Variants in SNPH observed in about 807,000 individuals in gnomAD.
SNPH encodes syntaphilin.
SNPH carries 10 observed loss-of-function variants against 36.8 expected under a neutral mutation model. That is an observed-to-expected ratio of 0.27 (90% CI 0.17 to 0.46). The LOEUF (loss-of-function observed/expected upper bound fraction) is 0.46, where lower values mean the gene tolerates loss of function less well. SNPH is among the 20% of genes least tolerant of loss of function. The pLI is 1.00. For missense variants in SNPH, 622 were observed against 744.0 expected (o/e 0.84, Z 1.91); for synonymous variants, 281 against 312.2 (o/e 0.90, Z 1.05).
chr20:1,274,472 G>T (rs1211613756), intron 2 of SNPH, among the ~76,000 whole-genome samples: 1 of 152,190 alleles, frequency 6.6e-6, no homozygotes, highest in South Asian at 2.1e-4. Context: ...CTTGCCATAG[G>T]ATGGAGTTTG....
At chr20:1,274,013 ATAAC>A (rs2088102053) in intron 2 of SNPH, among the ~76,000 whole-genome samples, 1 of 152,178 alleles carries the variant, frequency 6.6e-6, no homozygotes, top group African/African-American at 2.4e-5. Context: ...CAAAAAATAA[ATAAC>A]TACCATTTGT....
intron 2 of SNPH, among the ~76,000 whole-genome samples, chr20:1,293,353 C>A (rs894515916): frequency 6.6e-5 from 10 of 152,074 alleles, no homozygotes; most frequent in African/African-American, 1.9e-4. Context: ...AGGGCAGGGG[C>A]TGGGTTTACT....
intron 2 of SNPH, among the ~76,000 whole-genome samples, chr20:1,282,494 C>T (rs2088237415): frequency 6.6e-6 from 1 of 152,218 alleles, no homozygotes; most frequent in East Asian, 1.9e-4. Flanking sequence ...ATAACAACCC[C>T]TTGCCCCCTA....
intron 2 of SNPH, among the ~76,000 whole-genome samples, chr20:1,293,665 T>C (rs1043147496): frequency 6.6e-6 from 1 of 152,156 alleles, no homozygotes; most frequent in Non-Finnish European, 1.5e-5. Flanking sequence ...GCCTGCAAGG[T>C]CCCATCCCAG....
chr20:1,294,815 C>T lies in SNPH; in HGVS notation c.-492-136C>T, dbSNP rs1478446916. 2.6e-5 allele frequency: 4 copies of T among 152,498 alleles called. No homozygotes were observed. Among genetic ancestry groups the T allele is most frequent in the Non-Finnish European group, 5.9e-5 (4 of 68,054 alleles). The allele number at this position is 152,498 out of a possible 1,614,324, so 9.4% of individuals were successfully genotyped here. On this transcript the variant is annotated intron_variant, in intron 2 of 6. Transcript: ENST00000381867. The surrounding 1 kb of genome is among the most constrained non-coding windows in gnomAD (Gnocchi z 4.4). ...GACTCTGGGGTTTGAGATCCAGCCC[C>T]TCAGCATCTGATGTTGACCTGGTTT...
intron 2 of SNPH, among the ~76,000 whole-genome samples, chr20:1,280,216 G>A (rs983196564): frequency 6.6e-6 from 1 of 152,188 alleles, no homozygotes; most frequent in Non-Finnish European, 1.5e-5. Context: ...ACATGTGTGT[G>A]TGTGCATGCA....
At position 1,266,452 on chromosome 20, in the gene SNPH, C is replaced by T. The variant is rs2088004981; in HGVS notation, c.-600+55C>T. ...GCCCACCGCCCAGCTGCACCCGCCG[C>T]AGTCCAGAGTGCCGAGTGCCAGGGG... On this transcript the variant is annotated intron_variant, in intron 1 of 6. Coordinates refer to ENST00000381867, the MANE Select transcript of SNPH (RefSeq NM_001318234.2). The surrounding 1 kb of genome is among the most constrained non-coding windows in gnomAD (Gnocchi z 6.0). The T allele has an allele frequency of 1.5e-6, 1 of 654,612 alleles. No homozygotes were observed. The highest frequency in any genetic ancestry group is 3.5e-5 in the East Asian group (1 of 28,632). The allele number at this position is 654,612 out of a possible 1,614,324, so 40.6% of individuals were successfully genotyped here.
intron 2 of SNPH, among the ~76,000 whole-genome samples, chr20:1,280,292 A>G (rs1046784895): frequency 2.0e-5 from 3 of 152,218 alleles, no homozygotes; most frequent in African/African-American, 7.2e-5. Context: ...GGATGTGTGT[A>G]AACAGCCTGT....
At chr20:1,292,706 C>A (rs554226978) in intron 2 of SNPH, among the ~76,000 whole-genome samples, 1 of 152,156 alleles carries the variant, frequency 6.6e-6, no homozygotes, top group Non-Finnish European at 1.5e-5. Flanking sequence ...GGCCTGCCCC[C>A]CTCCTTCTGC....
In SNPH at chr20:1,266,790, GGCCCTGC is replaced by G; in HGVS notation, c.-493+33_-493+39del. 7.5e-7 allele frequency: 1 copy of G among 1,334,456 alleles called. No homozygotes were observed. Among genetic ancestry groups the G allele is most frequent in the Non-Finnish European group, 9.6e-7 (1 of 1,043,356 alleles). The allele number at this position is 1,334,456 out of a possible 1,614,324, so 82.7% of individuals were successfully genotyped here. A position where few individuals can be genotyped will look rare whatever the true frequency, so the allele number is the denominator to read the frequency against. The stretch of plus-strand genomic sequence containing the variant: ...GGAGGCCGCGGCGGAGCGGGGAGCT[GGCCCTGC>G]GCTGCACCGCGGCAGGTGGGGGCCG... On this transcript the variant is annotated intron_variant, in intron 2 of 6. Coordinates refer to ENST00000381867, the MANE Select transcript of SNPH (RefSeq NM_001318234.2). The surrounding 1 kb of genome is among the most constrained non-coding windows in gnomAD (Gnocchi z 6.0).
rs905359570 is a variant in SNPH, at chr20:1,306,875, A to C, written c.*821A>C. ...CTGAGTCCCAGCTCCCAGCTGGAGAATCCACCAGCACAAGAAGAGGAGGCA... is the reference window on the plus strand; with the variant it reads ...CTGAGTCCCAGCTCCCAGCTGGAGACTCCACCAGCACAAGAAGAGGAGGCA... On this transcript the variant is annotated 3_prime_UTR_variant, in exon 7 of 7. Transcript: ENST00000381867. 2 of 152,300 alleles carry C rather than the reference A, an allele frequency of 1.3e-5. No individual in the cohort carries two copies. The highest frequency in any genetic ancestry group is 1.3e-4 in the Admixed American group (2 of 15,286). The allele number at this position is 152,300 out of a possible 1,614,324, so 9.4% of individuals were successfully genotyped here. A position where few individuals can be genotyped will look rare whatever the true frequency, so the allele number is the denominator to read the frequency against.
chr20:1,278,102 GTGTCTGTT>G (rs1450024457), intron 2 of SNPH, among the ~76,000 whole-genome samples: 1 of 145,764 alleles, frequency 6.9e-6, no homozygotes, highest in African/African-American at 2.7e-5. Context: ...GCCTATGTGT[GTGTCTGTT>G]TGTGTGTGTA....
rs776017391 is a variant in SNPH, at chr20:1,296,348, C to T, written c.109C>T (p.Pro37Ser). 3.1e-5 allele frequency: 50 copies of T among 1,599,780 alleles called. No individual in the cohort carries two copies. The Admixed American group carries it at 8.5e-4, about 27-fold the overall frequency. ...SSAPGIPPIP[P>S]LTRTHSLMAM... is the part of the protein sequence containing the mutation. ...AGCCCCCGGGATACCGCCCATCCCA[C>T]CCCTTACTCGGACCCACAGCCTCAT... Residue 37 changes from proline to serine, a missense_variant, in exon 4 of 7, where the codon CCC becomes TCC. By Grantham distance (74) the Pro-to-Ser change is moderately conservative (BLOSUM62 -1). Around this residue, in one of 3 missense-constraint regions of SNPH, gnomAD observed 187 missense variants for 209.4 expected, o/e 0.89. Transcript: ENST00000381867.
Position 1,305,536 on chromosome 20 carries a change from C to G in SNPH, c.1099C>G (p.Pro367Ala). The change falls in exon 7 of 7, where the codon CCT becomes GCT. Residue 367 changes from proline to alanine, a missense_variant. Transcript: ENST00000381867. ...AIQTDFVQYQ[P>A]DLDTILEKVT... ...CCAGACAGACTTCGTGCAGTACCAG[C>G]CTGACCTTGACACCATCCTGGAGAA... 1.2e-6 allele frequency: 2 copies of G among 1,613,312 alleles called. No homozygotes were observed. The highest frequency in any genetic ancestry group is 2.7e-5 in the African/African-American group (2 of 75,070).
chr20:1,266,581 G>A lies in SNPH; in HGVS notation c.-599-73G>A. The A allele has an allele frequency of 7.1e-7, 1 of 1,406,678 alleles. No homozygotes were observed. The highest frequency in any genetic ancestry group is 9.2e-7 in the Non-Finnish European group (1 of 1,087,456). 87.1% of individuals were successfully genotyped at this position (1,406,678 alleles called of 1,614,324 possible). ...GCAGCGGCCCAGCTGTCAGCGGCCG[G>A]GGGCTCAGCTGCCTGGGTGTTCCCC... On this transcript the variant is annotated intron_variant, in intron 1 of 6. Coordinates refer to ENST00000381867, the MANE Select transcript of SNPH (RefSeq NM_001318234.2). This position sits in a 1 kb window ranked among gnomAD's most constrained non-coding sequence, Gnocchi z 6.0.
intron 2 of SNPH, among the ~76,000 whole-genome samples, chr20:1,282,448 A>C (rs1422869650): frequency 3.3e-5 from 5 of 152,198 alleles, no homozygotes; most frequent in African/African-American, 1.2e-4. Flanking sequence ...GAAAATATAC[A>C]AGTTATATTT....
At chr20:1,273,714 G>A (rs1182614562) in intron 2 of SNPH, among the ~76,000 whole-genome samples, 1 of 152,196 alleles carries the variant, frequency 6.6e-6, no homozygotes, top group African/African-American at 2.4e-5. Flanking sequence ...CTGCCACACA[G>A]TGATATAGCT....
intron 4 of SNPH, 79 bp from the exon 5 acceptor site, chr20:1,297,066 G>A: frequency 2.7e-6 from 4 of 1,505,058 alleles, no homozygotes; most frequent in South Asian, 1.3e-5. Context: ...TTGGGCCGCA[G>A]CGGCCTGGCA....
At chr20:1,267,588 G>A (rs1165302947) in intron 2 of SNPH, among the ~76,000 whole-genome samples, 13 of 152,204 alleles carry the variant, frequency 8.5e-5, no homozygotes, top group African/African-American at 2.2e-4. Context: ...TTCTCTAGGC[G>A]TGGGTGTCTG....
Sources: gnomAD v4.1 joint callset for allele counts (sites outside exome capture counted in the v4.1 genomes callset) on GRCh38, gnomAD v4.1.1 for gene constraint, gnomAD v4.1.1 regional missense constraint, Gnocchi (gnomAD v3.1) non-coding constraint, MANE v1.5 for transcripts, NCBI Gene and HGNC (gene_info 2026-07-23, HGNC 2026-07-21) for gene names.